The following ADARB1 variants were observed in gnomAD, a reference collection of about 807,000 sequenced individuals.
ADARB1 encodes adenosine deaminase RNA specific B1, also known as double-stranded RNA-specific editase 1.
Under a neutral mutation model 52.4 loss-of-function variants are expected in ADARB1, and 10 were observed. That is an observed-to-expected ratio of 0.19 (90% CI 0.12 to 0.32). The LOEUF is 0.32. Ranked by LOEUF, ADARB1 falls within the 10% of genes least tolerant of loss-of-function variation. The pLI, the probability that ADARB1 is intolerant of heterozygous loss-of-function variation, is 1.00. For synonymous variants in ADARB1, 349 were observed against 371.1 expected (o/e 0.94, Z 0.68); for missense variants, 643 against 922.3 (o/e 0.70, Z 3.92).
At chr21:45,164,191 G>A (rs1044137720) in intron 2 of ADARB1, among the ~76,000 whole-genome samples, 7 of 152,174 alleles carry the variant, frequency 4.6e-5, no homozygotes, top group Non-Finnish European at 8.8e-5. Flanking sequence ...GGGATGTTAC[G>A]GCACTCAGAG....
intron 2 of ADARB1, among the ~76,000 whole-genome samples, chr21:45,134,448 A>G (rs1330248190): frequency 1.5e-5 from 2 of 129,518 alleles, no homozygotes; most frequent in Non-Finnish European, 3.2e-5. Flanking sequence ...GCCTGACAGG[A>G]GTGTGTCTGA....
intron 2 of ADARB1, chr21:45,152,575 CT>C: frequency 2.7e-6 from 1 of 371,570 alleles, no homozygotes; most frequent in South Asian, 1.8e-5. Flanking sequence ...CAGAATGAGG[CT>C]GGGGCCGGCC....
At chr21:45,205,977 A>T (rs1289250137) in intron 9 of ADARB1, among the ~76,000 whole-genome samples, 2 of 152,196 alleles carry the variant, frequency 1.3e-5, no homozygotes, top group African/African-American at 4.8e-5. Flanking sequence ...GGAGGCAGGG[A>T]TGGGGAAAAA....
Position 45,207,771 on chromosome 21 carries a change from C to T in ADARB1, c.1747+3035C>T, listed in dbSNP as rs984591739. On this transcript the variant is annotated intron_variant, in intron 9 of 10. Coordinates refer to ENST00000348831, the MANE Select transcript of ADARB1 (RefSeq NM_001112.4). The stretch of plus-strand genomic sequence containing the variant: ...TTAAAAAGAGAGCGCGGTATGACAG[C>T]GCCTAGTGAATTGTAGTGTCTTTAG... Among the ~76,000 whole-genome samples, 6 of 152,044 alleles carry T rather than the reference C, an allele frequency of 3.9e-5. No homozygotes were observed. The South Asian group carries it at 6.2e-4, about 16-fold the overall frequency.
intron 1 of ADARB1, among the ~76,000 whole-genome samples, chr21:45,106,000 A>G (rs1476379086): frequency 6.6e-6 from 1 of 152,240 alleles, no homozygotes; most frequent in African/African-American, 2.4e-5. Flanking sequence ...AAGGAATACC[A>G]ACAATCTAGT....
chr21:45,162,920 A>T (rs1214615555), intron 2 of ADARB1, among the ~76,000 whole-genome samples: 1 of 152,316 alleles, frequency 6.6e-6, no homozygotes, highest in East Asian at 1.9e-4. Flanking sequence ...ATCTTAACTC[A>T]CAGCACCAGA....
At chr21:45,082,935 G>A (rs1045650964) in intron 1 of ADARB1, among the ~76,000 whole-genome samples, 1 of 152,182 alleles carries the variant, frequency 6.6e-6, no homozygotes, top group African/African-American at 2.4e-5. Context: ...CTTTCCTGCT[G>A]TCCCTTCCTG....
intron 2 of ADARB1, among the ~76,000 whole-genome samples, chr21:45,147,433 C>T (rs1433789685): frequency 2.6e-5 from 4 of 152,178 alleles, no homozygotes; most frequent in East Asian, 1.9e-4. Flanking sequence ...CAGGAGATCC[C>T]GAACTCCCAG....
At chr21:45,076,237 A>G (rs967532155) in intron 1 of ADARB1, among the ~76,000 whole-genome samples, 2 of 152,194 alleles carry the variant, frequency 1.3e-5, no homozygotes, top group African/African-American at 4.8e-5. Context: ...TCCTTCTTGG[A>G]TAAGAGAATT....
At chr21:45,188,571 A>G (rs1433986685) in intron 8 of ADARB1, among the ~76,000 whole-genome samples, 2 of 151,932 alleles carry the variant, frequency 1.3e-5, no homozygotes, top group African/African-American at 4.8e-5. Flanking sequence ...ATGTATCCTT[A>G]GATCCAAAAT....
chr21:45,144,962 G>A, intron 2 of ADARB1: 1 of 176,396 alleles, frequency 5.7e-6, no homozygotes, highest in Non-Finnish European at 1.2e-5. Context: ...TGAAAATGAA[G>A]GTAAAATATA....
intron 1 of ADARB1, among the ~76,000 whole-genome samples, chr21:45,116,640 T>C (rs1030625431): frequency 1.3e-5 from 2 of 152,164 alleles, no homozygotes; most frequent in Admixed American, 1.3e-4. Context: ...CTTACAATCA[T>C]GGTGGAAGGG....
chr21:45,106,438 C>G (rs376335073), intron 1 of ADARB1, among the ~76,000 whole-genome samples: 1 of 152,082 alleles, frequency 6.6e-6, no homozygotes, highest in East Asian at 1.9e-4. Flanking sequence ...GAGGGGGTGG[C>G]TAGGCCAAAT....
At position 45,222,385 on chromosome 21, in the gene ADARB1, A is replaced by T; in HGVS notation, c.*188A>T. ...CCTGGGGCAGGTGCGCAGTGTGGGG[A>T]GGGGATGGGGTGCGTCAGGGCCCAG... On this transcript the variant is annotated 3_prime_UTR_variant, in exon 11 of 11. Transcript: ENST00000348831. 7.5e-7 allele frequency: 1 copy of T among 1,339,054 alleles called. No homozygotes were observed. The highest frequency in any genetic ancestry group is 2.2e-5 in the South Asian group (1 of 46,038). 82.9% of individuals were successfully genotyped at this position (1,339,054 alleles called of 1,614,324 possible).
Position 45,223,383 on chromosome 21 carries a change from C to T in ADARB1, c.*1186C>T, listed in dbSNP as rs756461446. On this transcript the variant is annotated 3_prime_UTR_variant, in exon 11 of 11. Transcript: ENST00000348831. ...TGCCCAGCGCCCAGCGTGCACGGGA[C>T]GGCCCCACGACAGAGGGAGTCAGCC... The T allele has an allele frequency of 2.4e-4, 240 of 985,598 alleles. No homozygotes were observed. The highest frequency in any genetic ancestry group is 2.7e-4 in the Non-Finnish European group (227 of 830,142). The allele number at this position is 985,598 out of a possible 1,614,324, so 61.1% of individuals were successfully genotyped here.
intron 8 of ADARB1, among the ~76,000 whole-genome samples, chr21:45,191,160 A>G (rs140925411): frequency 3.9e-5 from 6 of 152,246 alleles, no homozygotes; most frequent in East Asian, 3.9e-4. Context: ...TTGATTTTTT[A>G]ATGTTAACCT....
At chr21:45,190,379 G>T (rs1328035777) in intron 8 of ADARB1, among the ~76,000 whole-genome samples, 2 of 152,000 alleles carry the variant, frequency 1.3e-5, no homozygotes, top group African/African-American at 4.8e-5. Flanking sequence ...TTCTCTTCTA[G>T]CTCATTAGGC....
intron 2 of ADARB1, among the ~76,000 whole-genome samples, chr21:45,133,925 G>T (rs545754348): frequency 1.1e-4 from 15 of 131,342 alleles, no homozygotes; most frequent in African/African-American, 4.1e-4. Context: ...ACAGTGGTGT[G>T]TGCGCCCGAC....
In ADARB1 at chr21:45,172,663, G is replaced by C. The variant is rs2146123574; in HGVS notation, c.28+979G>C. Among the ~76,000 whole-genome samples the C allele has an allele frequency of 6.6e-6, 1 of 152,268 alleles. No individual in the cohort carries two copies. Among genetic ancestry groups the C allele is most frequent in the Non-Finnish European group, 1.5e-5 (1 of 68,020 alleles). On this transcript the variant is annotated intron_variant, in intron 3 of 10. Transcript: ENST00000348831. The surrounding 1 kb of genome is among the most constrained non-coding windows in gnomAD (Gnocchi z 4.4). ...CATGGGTGTGCTGTGGAGGCGGCTG[G>C]GCCTCTGCTCTATGGACTGTGTGCT...
Sources: gnomAD v4.1 joint callset for allele counts (sites outside exome capture counted in the v4.1 genomes callset) on GRCh38, gnomAD v4.1.1 for gene constraint, Gnocchi (gnomAD v3.1) non-coding constraint, MANE v1.5 for transcripts, NCBI Gene and HGNC (gene_info 2026-07-23, HGNC 2026-07-21) for gene names.